The following CAST variants were observed in gnomAD, a reference collection of about 807,000 sequenced individuals.
The protein encoded by CAST is calpastatin.
CAST carries 76 observed loss-of-function variants against 119.6 expected under a neutral mutation model. The ratio of observed to expected loss-of-function variants is 0.64; its 90% CI spans 0.53 to 0.77. The LOEUF is 0.77. CAST is among the 30% of genes least tolerant of loss of function. The pLI, the probability that CAST is intolerant of heterozygous loss-of-function variation, is 0.00. For synonymous variants in CAST, 319 were observed against 331.6 expected (o/e 0.96, Z 0.41); for missense variants, 953 against 946.5 (o/e 1.01, Z -0.09).
chr5:96,186,408 G>T, the CAST span, among the ~76,000 whole-genome samples: 23 of 152,268 alleles, frequency 1.5e-4, no homozygotes, highest in African/African-American at 5.5e-4. Flanking sequence ...GTGAGACAGG[G>T]CATCCTTGTC....
At chr5:95,969,561 A>T in the CAST span, among the ~76,000 whole-genome samples, 1 of 152,114 alleles carries the variant, frequency 6.6e-6, no homozygotes, top group Non-Finnish European at 1.5e-5. Flanking sequence ...GCAAAAAGTA[A>T]TGAGGCCTTG....
chr5:96,461,894 C>A, the CAST span, among the ~76,000 whole-genome samples: 1 of 152,118 alleles, frequency 6.6e-6, no homozygotes, highest in Non-Finnish European at 1.5e-5. Flanking sequence ...GCTCCATTTG[C>A]CTGAGCATGA....
chr5:96,313,940 A>T, the CAST span, among the ~76,000 whole-genome samples: 2 of 152,184 alleles, frequency 1.3e-5, no homozygotes, highest in African/African-American at 4.8e-5. Flanking sequence ...CTGTTTTGTT[A>T]TCATTGAGTC....
chr5:96,245,998 T>C, the CAST span, among the ~76,000 whole-genome samples: 7 of 151,986 alleles, frequency 4.6e-5, no homozygotes, highest in Non-Finnish European at 1.5e-5. Flanking sequence ...GGCAGGTGAT[T>C]GTAAATCCTG....
the CAST span, among the ~76,000 whole-genome samples, chr5:96,092,405 C>A: frequency 6.6e-6 from 1 of 152,190 alleles, no homozygotes; most frequent in Non-Finnish European, 1.5e-5. Context: ...TTTGCTCTTT[C>A]AGGATTTATG....
chr5:96,507,062 G>A, the CAST span, among the ~76,000 whole-genome samples: 2 of 152,134 alleles, frequency 1.3e-5, no homozygotes, highest in African/African-American at 4.8e-5. Flanking sequence ...ATTATGATGA[G>A]GGTGGGGTGA....
At chr5:96,555,430 C>T (rs1235436995) in intron 1 of CAST, among the ~76,000 whole-genome samples, 8 of 152,160 alleles carry the variant, frequency 5.3e-5, no homozygotes, top group African/African-American at 1.4e-4. Flanking sequence ...GGTGAAGCAT[C>T]GCCTCACCCA....
At chr5:96,440,322 C>T in the CAST span, among the ~76,000 whole-genome samples, 4 of 152,052 alleles carry the variant, frequency 2.6e-5, no homozygotes, top group Admixed American at 2.0e-4. Context: ...TGTGAGCATC[C>T]GTGTCTCTAG....
At chr5:96,376,981 G>A in the CAST span, among the ~76,000 whole-genome samples, 1 of 151,934 alleles carries the variant, frequency 6.6e-6, no homozygotes, top group African/African-American at 2.4e-5. Context: ...GGCTGTGTGT[G>A]TTTGTGTACT....
At chr5:96,662,177 G>A (rs899552170), upstream of CAST, 6 of 426,246 alleles carry the variant, frequency 1.4e-5, no homozygotes, top group Admixed American at 1.9e-4. Context: ...TGAGGACCGG[G>A]GCGGAGGGTG....
At chr5:96,064,416 C>A in the CAST span, among the ~76,000 whole-genome samples, 1 of 152,022 alleles carries the variant, frequency 6.6e-6, no homozygotes, top group Non-Finnish European at 1.5e-5. Flanking sequence ...TATTCTGTTA[C>A]AAATAAAGTT....
At chr5:96,048,406 C>T in the CAST span, among the ~76,000 whole-genome samples, 1 of 151,894 alleles carries the variant, frequency 6.6e-6, no homozygotes, top group African/African-American at 2.4e-5. Flanking sequence ...ATTTCAGATG[C>T]AAAATAGGAC....
At chr5:96,234,303 G>A in the CAST span, among the ~76,000 whole-genome samples, 6 of 152,292 alleles carry the variant, frequency 3.9e-5, no homozygotes, top group African/African-American at 1.4e-4. Flanking sequence ...AAGTGTTCAT[G>A]GAAGGCCGTA....
intron 1 of CAST, among the ~76,000 whole-genome samples, chr5:96,534,809 AAAG>A (rs1745769858): frequency 6.9e-6 from 1 of 145,482 alleles, no homozygotes; most frequent in Non-Finnish European, 1.5e-5. Context: ...AAGAAGAAAG[AAAG>A]AAAGAAAGAA....
At chr5:96,365,333 A>G in the CAST span, among the ~76,000 whole-genome samples, 3 of 152,326 alleles carry the variant, frequency 2.0e-5, no homozygotes, top group East Asian at 5.8e-4. Flanking sequence ...GTAGATGTCT[A>G]TTAGGTCCGC....
chr5:96,005,712 A>G, the CAST span, among the ~76,000 whole-genome samples: 1 of 152,132 alleles, frequency 6.6e-6, no homozygotes, highest in Non-Finnish European at 1.5e-5. Flanking sequence ...GTGATAGGGG[A>G]AACTGGGTGT....
the CAST span, among the ~76,000 whole-genome samples, chr5:96,236,084 T>G: frequency 8.6e-6 from 1 of 116,472 alleles, no homozygotes; most frequent in African/African-American, 3.0e-5. Flanking sequence ...GATCTCTATG[T>G]CTGTCTGTCT....
At chr5:96,385,913 T>G in the CAST span, among the ~76,000 whole-genome samples, 1,493 of 152,318 alleles carry the variant, frequency 9.8e-3, 30 homozygotes, top group African/African-American at 0.035. Flanking sequence ...ATATAAGGCA[T>G]AGCTTGGATG....
the CAST span, among the ~76,000 whole-genome samples, chr5:96,144,434 G>T: frequency 1.3e-5 from 2 of 152,048 alleles, no homozygotes; most frequent in African/African-American, 4.8e-5. Context: ...ACTTGCTTTG[G>T]GAAGCTCAAA....
Sources: allele counts gnomAD v4.1 joint callset (sites outside exome capture counted in the v4.1 genomes callset), GRCh38; gene constraint gnomAD v4.1.1; transcripts MANE v1.5; gene names NCBI Gene and HGNC (gene_info 2026-07-23, HGNC 2026-07-21).